The following NRG3 variants were observed in gnomAD, a reference collection of about 807,000 sequenced individuals.
NRG3 encodes the protein neuregulin 3.
In NRG3, 31 loss-of-function variants were observed where a neutral mutation model predicts 66.9. That is an observed-to-expected ratio of 0.46 (90% CI 0.35 to 0.63). NRG3 has a LOEUF of 0.63. Among genes scored for constraint, NRG3 ranks in the 20% least tolerant of loss-of-function variants. The pLI is 0.00. For missense variants in NRG3, 910 were observed against 878.9 expected (o/e 1.04, Z -0.45); for synonymous variants, 393 against 359.4 (o/e 1.09, Z -1.06).
At chr10:82,909,517 C>A (rs1290148922) in intron 4 of NRG3, among the ~76,000 whole-genome samples, 10 of 152,096 alleles carry the variant, frequency 6.6e-5, no homozygotes, top group African/African-American at 2.4e-4. Context: ...AAAAAAAAGA[C>A]CCTCCAAGTA....
In NRG3 at chr10:81,978,928, T is replaced by C. The variant is rs369809716; in HGVS notation, c.823+102765T>C. 8.3e-3 allele frequency among the ~76,000 whole-genome samples: 1,270 copies of C among 152,208 alleles called. 6 individuals carry two copies. The highest frequency in any genetic ancestry group is 0.022 in the African/African-American group (895 of 41,560). The stretch of plus-strand genomic sequence containing the variant: ...TTTCCTGGCCGGGCGTGGTGGCTCA[T>C]GCCTGTAATCCCAGCACTTTGGGAG... On this transcript the variant is annotated intron_variant, in intron 1 of 8. Coordinates refer to ENST00000372141, the MANE Select transcript of NRG3 (RefSeq NM_001010848.4).
At chr10:82,928,698 T>G (rs1180208660) in intron 4 of NRG3, among the ~76,000 whole-genome samples, 1 of 152,094 alleles carries the variant, frequency 6.6e-6, no homozygotes, top group African/African-American at 2.4e-5. Context: ...TCTGCTATTG[T>G]AGTACAAAAG....
intron 4 of NRG3, among the ~76,000 whole-genome samples, chr10:82,938,103 TTGAC>T (rs1226149286): frequency 1.3e-5 from 2 of 152,176 alleles, no homozygotes; most frequent in Non-Finnish European, 2.9e-5. Context: ...TCTCCCTTGA[TTGAC>T]TGATTGATTG....
At chr10:82,314,795 G>T (rs2081210718) in intron 1 of NRG3, among the ~76,000 whole-genome samples, 1 of 152,146 alleles carries the variant, frequency 6.6e-6, no homozygotes. Context: ...GGGTGACAGA[G>T]CGAGAGTCCG....
At chr10:81,953,272 C>T (rs955110848) in intron 1 of NRG3, among the ~76,000 whole-genome samples, 1 of 152,144 alleles carries the variant, frequency 6.6e-6, no homozygotes, top group African/African-American at 2.4e-5. Flanking sequence ...CCATCCTTTG[C>T]TTGGGATGAG....
At chr10:82,352,998 GATGGA>G (rs1243174430) in intron 1 of NRG3, among the ~76,000 whole-genome samples, 1 of 151,986 alleles carries the variant, frequency 6.6e-6, no homozygotes, top group African/African-American at 2.4e-5. Context: ...GGTAAGATGA[GATGGA>G]AAGAAGTGGT....
intron 1 of NRG3, among the ~76,000 whole-genome samples, chr10:82,134,661 G>A (rs527816993): frequency 1.3e-5 from 2 of 152,092 alleles, no homozygotes; most frequent in South Asian, 4.2e-4. Flanking sequence ...GGTTATTGTA[G>A]CCCTGTAGTA....
At chr10:82,405,454 G>GTTT (rs779040062) in intron 2 of NRG3, among the ~76,000 whole-genome samples, 5,647 of 139,760 alleles carry the variant, frequency 0.04, 228 homozygotes, top group African/African-American at 0.058. Flanking sequence ...GATCTCAGTA[G>GTTT]TTTGTTTTTT....
intron 2 of NRG3, among the ~76,000 whole-genome samples, chr10:82,447,076 A>T (rs769947288): frequency 1.3e-5 from 2 of 152,338 alleles, no homozygotes; most frequent in East Asian, 3.9e-4. Flanking sequence ...GGAATCTGAA[A>T]CAAAACTTGT....
At chr10:81,988,867 G>T (rs892734488) in intron 1 of NRG3, among the ~76,000 whole-genome samples, 1 of 150,848 alleles carries the variant, frequency 6.6e-6, no homozygotes, top group African/African-American at 2.5e-5. Context: ...TTCCAAACCC[G>T]GATGTACTTT....
intron 2 of NRG3, among the ~76,000 whole-genome samples, chr10:82,626,451 G>A (rs2049429496): frequency 6.6e-6 from 1 of 152,078 alleles, no homozygotes. Flanking sequence ...TCCAGGATCT[G>A]AAGTTCTGAA....
At chr10:82,425,898 T>C (rs2089402066) in intron 2 of NRG3, among the ~76,000 whole-genome samples, 1 of 152,180 alleles carries the variant, frequency 6.6e-6, no homozygotes, top group Admixed American at 6.5e-5. Flanking sequence ...GTCCTATTGA[T>C]GTGGTGATAA....
intron 2 of NRG3, among the ~76,000 whole-genome samples, chr10:82,544,321 G>T (rs1357421118): frequency 6.6e-6 from 1 of 152,218 alleles, no homozygotes; most frequent in Admixed American, 6.5e-5. Flanking sequence ...TTTTGTTGTT[G>T]TTTTTTGTTT....
intron 1 of NRG3, among the ~76,000 whole-genome samples, chr10:82,190,135 C>A (rs1042949678): frequency 6.6e-6 from 1 of 152,078 alleles, no homozygotes; most frequent in African/African-American, 2.4e-5. Context: ...TGCCCAATTA[C>A]TTTTATAGTG....
In NRG3 at chr10:82,618,706, TA is replaced by T. The variant is rs1421739594; in HGVS notation, c.954-119868del. Among the ~76,000 whole-genome samples, 9 of 152,202 alleles carry T rather than the reference TA, an allele frequency of 5.9e-5. No individual in the cohort carries two copies. In the East Asian group the frequency reaches 1.5e-3, roughly 26 times the overall value. On this transcript the variant is annotated intron_variant, in intron 2 of 8. Transcript: ENST00000372141. Reference sequence around the variant, plus strand: ...CAATTCCAAACTTTACAGAAATTGTTAAATAAACTATATTTATATTATGAAA... The same window carrying T: ...CAATTCCAAACTTTACAGAAATTGTTAATAAACTATATTTATATTATGAAA...
intron 2 of NRG3, among the ~76,000 whole-genome samples, chr10:82,599,168 A>G (rs939558240): frequency 5.3e-5 from 8 of 152,224 alleles, no homozygotes; most frequent in African/African-American, 1.9e-4. Flanking sequence ...ATTGAGAACT[A>G]AAATAGTGGC....
At chr10:82,022,974 C>G (rs1038433396) in intron 1 of NRG3, among the ~76,000 whole-genome samples, 3 of 150,964 alleles carry the variant, frequency 2.0e-5, no homozygotes, top group African/African-American at 7.3e-5. Context: ...TTGAAAGATA[C>G]AATGTGTAAT....
In NRG3 at chr10:82,063,275, A is replaced by G. The variant is rs556179767; in HGVS notation, c.823+187112A>G. Among the ~76,000 whole-genome samples the G allele has an allele frequency of 2.6e-5, 4 of 151,258 alleles. No individual in the cohort carries two copies. The East Asian group carries it at 7.9e-4, about 30-fold the overall frequency. ...GGTTTATCATCATTTTACAGTCTCA[A>G]GTTTCTGTTTTTTTTTCTTTATTTT... On this transcript the variant is annotated intron_variant, in intron 1 of 8. Transcript: ENST00000372141.
In NRG3 at chr10:82,602,322, T is replaced by A. The variant is rs183100663; in HGVS notation, c.954-136255T>A. ...TTCTGTATCCCATGCTTGTTTAATA[T>A]TCTTACTGGAGGTCAAGGAATAGCA... On this transcript the variant is annotated intron_variant, in intron 2 of 8. Coordinates refer to ENST00000372141, the MANE Select transcript of NRG3 (RefSeq NM_001010848.4). 3.4e-3 allele frequency among the ~76,000 whole-genome samples: 516 copies of A among 152,242 alleles called. 2 individuals carry two copies. The highest frequency in any genetic ancestry group is 5.4e-3 in the Non-Finnish European group (370 of 68,004).
Sources: allele counts gnomAD v4.1 joint callset (sites outside exome capture counted in the v4.1 genomes callset), GRCh38; gene constraint gnomAD v4.1.1; transcripts MANE v1.5; gene names NCBI Gene and HGNC (gene_info 2026-07-23, HGNC 2026-07-21).